The following VMP1 variants were observed in gnomAD, a reference collection of about 807,000 sequenced individuals.
VMP1 encodes vacuole membrane protein 1.
A neutral mutation model predicts 56.0 loss-of-function variants in VMP1; 11 were observed. That is an observed-to-expected ratio of 0.20 (90% confidence interval 0.12 to 0.32). The LOEUF (loss-of-function observed/expected upper bound fraction) is 0.32. Ranked by LOEUF, VMP1 falls within the 10% of genes least tolerant of loss-of-function variation. The pLI is 1.00. For missense variants in VMP1, 296 were observed against 490.3 expected, an observed-to-expected ratio of 0.60 and a Z score of 3.74; for synonymous variants, 149 against 165.0, an observed-to-expected ratio of 0.90 and a Z score of 0.74.
At chr17:59,759,044 C>A (rs1416817736) in intron 5 of VMP1, among the ~76,000 whole-genome samples, 2 of 152,110 alleles carry the variant, frequency 1.3e-5, no homozygotes, top group Admixed American at 6.5e-5. Context: ...CAAGATCTTG[C>A]CACTGCACTC....
intron 1 of VMP1, among the ~76,000 whole-genome samples, chr17:59,725,551 CAAAAA>C (rs78026893): frequency 8.9e-6 from 1 of 112,456 alleles, no homozygotes. Context: ...GTCAAAATGC[CAAAAA>C]AAAAAAAAAA....
At chr17:59,801,110 ATATGTGTG>A (rs1281163527) in intron 7 of VMP1, among the ~76,000 whole-genome samples, 48 of 109,708 alleles carry the variant, frequency 4.4e-4, no homozygotes, top group African/African-American at 1.8e-3. Flanking sequence ...ATATATATAT[ATATGTGTG>A]TGTGTGTGTG....
chr17:59,830,446 T>C (rs2038773303), intron 10 of VMP1, among the ~76,000 whole-genome samples: 1 of 152,226 alleles, frequency 6.6e-6, no homozygotes, highest in Admixed American at 6.5e-5. Flanking sequence ...ATCTGACTTA[T>C]GACACCCTGA....
chr17:59,777,860 A>G (rs1280426522), intron 7 of VMP1, among the ~76,000 whole-genome samples: 7 of 151,930 alleles, frequency 4.6e-5, no homozygotes, highest in Non-Finnish European at 1.0e-4. Flanking sequence ...AAACAAAAAA[A>G]CAAATAAAGT....
intron 5 of VMP1, among the ~76,000 whole-genome samples, chr17:59,743,232 G>T (rs1424177637): frequency 6.6e-6 from 1 of 152,000 alleles, no homozygotes; most frequent in Admixed American, 6.6e-5. Flanking sequence ...TCTTAAAAAT[G>T]CCCTGTGCTT....
At chr17:59,798,369 G>GGA (rs1172227284) in intron 7 of VMP1, among the ~76,000 whole-genome samples, 1 of 152,084 alleles carries the variant, frequency 6.6e-6, no homozygotes, top group Non-Finnish European at 1.5e-5. Flanking sequence ...CGTAACTTTT[G>GGA]AAAAGTGTAA....
intron 6 of VMP1, among the ~76,000 whole-genome samples, chr17:59,768,311 T>A (rs1465597488): frequency 6.6e-6 from 1 of 152,086 alleles, no homozygotes; most frequent in Non-Finnish European, 1.5e-5. Context: ...CTTCAACAAA[T>A]GGTGCTGGGG....
At chr17:59,729,547 C>A (rs1215646971) in intron 1 of VMP1, among the ~76,000 whole-genome samples, 1 of 151,510 alleles carries the variant, frequency 6.6e-6, no homozygotes, top group Non-Finnish European at 1.5e-5. Flanking sequence ...ATTGCTGAGT[C>A]ATATGGTAAC....
intron 5 of VMP1, among the ~76,000 whole-genome samples, chr17:59,748,211 A>C (rs11654074): frequency 0.4 from 60,103 of 149,632 alleles, 14,293 homozygotes; most frequent in Non-Finnish European, 0.53. Context: ...AAAAAAAAAA[A>C]AAAAAACCTT....
At chr17:59,807,191 G>GTTTTTTTTTTTTT (rs1457969471) in intron 7 of VMP1, among the ~76,000 whole-genome samples, 1 of 142,746 alleles carries the variant, frequency 7.0e-6, no homozygotes, top group African/African-American at 2.6e-5. Context: ...CTTCTTTTTT[G>GTTTTTTTTTTTTT]TTTTTTTGTT....
intron 5 of VMP1, among the ~76,000 whole-genome samples, chr17:59,759,903 G>GTTTTTGTTTTTTTTTTTTTTTGGTAT (rs2035980744): frequency 1.0e-5 from 1 of 97,956 alleles, no homozygotes. Flanking sequence ...GTTTTTTGGT[G>GTTTTTGTTTTTTTTTTTTTTTGGTAT]TTTTTTTTTT....
At chr17:59,777,145 G>C (rs1433385004) in intron 7 of VMP1, among the ~76,000 whole-genome samples, 7 of 151,996 alleles carry the variant, frequency 4.6e-5, no homozygotes, top group Non-Finnish European at 1.0e-4. Flanking sequence ...CTGTTCAGTT[G>C]CCCTTCTGCA....
At chr17:59,819,217 G>T (rs1193418894) in intron 10 of VMP1, among the ~76,000 whole-genome samples, 1 of 151,976 alleles carries the variant, frequency 6.6e-6, no homozygotes, top group Non-Finnish European at 1.5e-5. Flanking sequence ...CTAGTTTTTT[G>T]CTGCCTGAAT....
chr17:59,804,941 G>A (rs2037797371), intron 7 of VMP1, among the ~76,000 whole-genome samples: 1 of 152,008 alleles, frequency 6.6e-6, no homozygotes, highest in African/African-American at 2.4e-5. Flanking sequence ...TGAAAGACCT[G>A]GAAAAAATTA....
chr17:59,825,574 C>T (rs946555384), intron 10 of VMP1, among the ~76,000 whole-genome samples: 1 of 152,142 alleles, frequency 6.6e-6, no homozygotes, highest in Non-Finnish European at 1.5e-5. Context: ...TGACTCGCAG[C>T]AAACCATATG....
intron 1 of VMP1, among the ~76,000 whole-genome samples, chr17:59,714,476 TCAAA>T (rs1463774639): frequency 6.6e-6 from 1 of 152,018 alleles, no homozygotes; most frequent in African/African-American, 2.4e-5. Context: ...GGACACATAC[TCAAA>T]CAATAATAGG....
intron 10 of VMP1, among the ~76,000 whole-genome samples, chr17:59,837,070 A>G (rs933946459): frequency 4.6e-5 from 7 of 151,820 alleles, no homozygotes; most frequent in South Asian, 4.2e-4. Flanking sequence ...AGGCATGGTG[A>G]CAAGCGCCTG....
intron 8 of VMP1, 150 bp downstream of exon 8, chr17:59,809,026 T>G: frequency 1.5e-6 from 1 of 652,660 alleles, no homozygotes; most frequent in Non-Finnish European, 2.5e-6. Context: ...TAAGACGGAG[T>G]CTCCCTCTTG....
chr17:59,745,814 C>T (rs2035403441), intron 5 of VMP1, among the ~76,000 whole-genome samples: 1 of 152,046 alleles, frequency 6.6e-6, no homozygotes, highest in Non-Finnish European at 1.5e-5. Context: ...AAAATATGGG[C>T]CTCCTTTTGA....
Sources: gnomAD v4.1 joint callset for allele counts (sites outside exome capture counted in the v4.1 genomes callset) on GRCh38, gnomAD v4.1.1 for gene constraint, MANE v1.5 for transcripts, NCBI Gene and HGNC (gene_info 2026-07-23, HGNC 2026-07-21) for gene names.